BCL2: variants seen among roughly 807,000 people sequenced by gnomAD.
The protein encoded by BCL2 is BCL2 apoptosis regulator.
A neutral mutation model predicts 14.2 loss-of-function variants in BCL2; 1 was observed. The observed-to-expected ratio is 0.07, with a 90% CI of 0.02 to 0.33. BCL2 has a LOEUF of 0.33. BCL2 is among the 10% of genes least tolerant of loss of function. The pLI is 0.99. For synonymous variants in BCL2, 151 were observed against 137.2 expected (o/e 1.10, Z -0.70); for missense variants, 247 against 305.9 (o/e 0.81, Z 1.44).
intron 2 of BCL2, among the ~76,000 whole-genome samples, chr18:63,171,662 C>T (rs2144631616): frequency 6.6e-6 from 1 of 152,314 alleles, no homozygotes; most frequent in South Asian, 2.1e-4. Context: ...GGTAAATATG[C>T]TTCAAGCTGT....
chr18:63,216,400 T>TAAAAAAA (rs35457535), intron 2 of BCL2, among the ~76,000 whole-genome samples: 1 of 134,906 alleles, frequency 7.4e-6, no homozygotes, highest in Non-Finnish European at 1.6e-5. Flanking sequence ...AAATGTTTTC[T>TAAAAAAA]AAAAAAAAAA....
Position 63,125,433 on chromosome 18 carries a change from G to A in BCL2, c.*3192C>T, listed in dbSNP as rs1183982664. The stretch of plus-strand genomic sequence containing the variant: ...CGGAGTATTTGTGCAGCGAGGGACT[G>A]GGAGGGCCGAGGAGGTTCTCAGATG... On this transcript the variant is annotated 3_prime_UTR_variant, in exon 3 of 3. Coordinates refer to ENST00000333681, the MANE Select transcript of BCL2 (RefSeq NM_000633.3). 1 of 222,216 alleles carries A rather than the reference G, an allele frequency of 4.5e-6. No homozygotes were observed. The highest frequency in any genetic ancestry group is 9.0e-6 in the Non-Finnish European group (1 of 111,102). 13.8% of individuals were successfully genotyped at this position (222,216 alleles called of 1,614,324 possible). A position where few individuals can be genotyped will look rare whatever the true frequency, so the allele number is the denominator to read the frequency against.
At chr18:63,129,292 C>CT (rs71160900) in intron 2 of BCL2, among the ~76,000 whole-genome samples, 131,559 of 145,344 alleles carry the variant, frequency 0.91, 60,345 homozygotes, top group East Asian at 0.99. Context: ...CTTTTTCTTT[C>CT]TTTTTTTTTT....
At position 63,179,437 on chromosome 18, in the gene BCL2, C is replaced by A. The variant is rs1171612590; in HGVS notation, c.586-50678G>T. Among the ~76,000 whole-genome samples, 7 of 152,304 alleles carry A rather than the reference C, an allele frequency of 4.6e-5. No homozygotes were observed. The East Asian group carries it at 1.2e-3, about 25-fold the overall frequency. On this transcript the variant is annotated intron_variant, in intron 2 of 2. Coordinates refer to ENST00000333681, the MANE Select transcript of BCL2 (RefSeq NM_000633.3). ...TCTAGGGCCCCTGGGGCTCTCATCT[C>A]ATCCCAAATATTTGGAACTGTCTGT...
intron 2 of BCL2, 114 bp from the exon 3 acceptor site, chr18:63,128,873 G>A: frequency 1.7e-6 from 1 of 606,014 alleles, no homozygotes; most frequent in Non-Finnish European, 3.0e-6. Flanking sequence ...ACCTTCAGAA[G>A]GGTGAGAGGG....
At chr18:63,160,423 T>C (rs980271796) in intron 2 of BCL2, among the ~76,000 whole-genome samples, 2 of 152,122 alleles carry the variant, frequency 1.3e-5, no homozygotes, top group African/African-American at 4.8e-5. Context: ...GCATCAGAGT[T>C]TACATGTTTA....
Position 63,126,809 on chromosome 18 carries a change from T to C in BCL2, c.*1816A>G, listed in dbSNP as rs1913922036. On this transcript the variant is annotated 3_prime_UTR_variant, in exon 3 of 3. Transcript: ENST00000333681. ...AAAAACAAAAAAACGCTGAGATGCATGTATTTTTTTAAAGCAGCTTTCGAA... is the reference window on the plus strand; with the variant it reads ...AAAAACAAAAAAACGCTGAGATGCACGTATTTTTTTAAAGCAGCTTTCGAA... 1.8e-5 allele frequency: 4 copies of C among 228,174 alleles called. No individual in the cohort carries two copies. Among genetic ancestry groups the C allele is most frequent in the Admixed American group, 5.7e-5 (1 of 17,600 alleles). 14.1% of individuals were successfully genotyped at this position (228,174 alleles called of 1,614,324 possible). A position where few individuals can be genotyped will look rare whatever the true frequency, so the allele number is the denominator to read the frequency against.
intron 2 of BCL2, among the ~76,000 whole-genome samples, chr18:63,265,680 T>C (rs1375737038): frequency 1.3e-5 from 2 of 151,880 alleles, no homozygotes; most frequent in African/African-American, 4.8e-5. Context: ...AAAAACACCA[T>C]CAACAAATGA....
intron 2 of BCL2, among the ~76,000 whole-genome samples, chr18:63,288,059 A>T (rs1035464985): frequency 6.6e-6 from 1 of 152,226 alleles, no homozygotes; most frequent in African/African-American, 2.4e-5. Flanking sequence ...GGACATTTTG[A>T]TTTTGGAACA....
chr18:63,251,644 CAA>C (rs537877070), intron 2 of BCL2, among the ~76,000 whole-genome samples: 1 of 106,536 alleles, frequency 9.4e-6, no homozygotes. Flanking sequence ...GACTCTGTCT[CAA>C]AAAAAAAAAG....
At chr18:63,305,674 T>G (rs1913105981) in intron 2 of BCL2, among the ~76,000 whole-genome samples, 1 of 152,200 alleles carries the variant, frequency 6.6e-6, no homozygotes, top group African/African-American at 2.4e-5. Flanking sequence ...TCCTCAAATA[T>G]ACTTTTATTA....
At chr18:63,240,901 G>C (rs561147016) in intron 2 of BCL2, among the ~76,000 whole-genome samples, 72 of 152,322 alleles carry the variant, frequency 4.7e-4, no homozygotes, top group African/African-American at 1.6e-3. Flanking sequence ...TCATTAACAG[G>C]GTTGGTGTCC....
At chr18:63,172,424 T>C (rs1004130023) in intron 2 of BCL2, among the ~76,000 whole-genome samples, 11 of 152,186 alleles carry the variant, frequency 7.2e-5, no homozygotes, top group African/African-American at 2.7e-4. Flanking sequence ...ATATTATTAT[T>C]TTCCCACTTG....
chr18:63,179,753 T>C (rs897303670), intron 2 of BCL2, among the ~76,000 whole-genome samples: 58 of 152,288 alleles, frequency 3.8e-4, no homozygotes, highest in African/African-American at 1.3e-3. Flanking sequence ...AGCCCTCTCA[T>C]CCTCATTCCT....
Position 63,217,538 on chromosome 18 carries a change from T to C in BCL2, c.586-88779A>G, listed in dbSNP as rs573964543. On this transcript the variant is annotated intron_variant, in intron 2 of 2. Coordinates refer to ENST00000333681, the MANE Select transcript of BCL2 (RefSeq NM_000633.3). ...ACGTTCTCCTTCCAATGATCCCCAA[T>C]AGTTCACCCACATTTCCCAAAAGCA... Among the ~76,000 whole-genome samples the C allele has an allele frequency of 3.3e-5, 5 of 152,286 alleles. No homozygotes were observed. In the South Asian group the frequency reaches 1.0e-3, roughly 32 times the overall value.
intron 2 of BCL2, among the ~76,000 whole-genome samples, chr18:63,225,520 G>C (rs1910520382): frequency 6.6e-6 from 1 of 152,210 alleles, no homozygotes. Flanking sequence ...GGCTTCCACA[G>C]AAATTAAGGA....
chr18:63,194,654 C>A (rs1044031285), intron 2 of BCL2, among the ~76,000 whole-genome samples: 2 of 152,068 alleles, frequency 1.3e-5, no homozygotes, highest in Non-Finnish European at 2.9e-5. Flanking sequence ...TGCTTATGAA[C>A]TACAAAAAAA....
chr18:63,216,124 T>C (rs1910193842), intron 2 of BCL2, among the ~76,000 whole-genome samples: 1 of 152,098 alleles, frequency 6.6e-6, no homozygotes, highest in Non-Finnish European at 1.5e-5. Flanking sequence ...TTTTTGGTGG[T>C]GGGTTATGAG....
At chr18:63,203,959 C>T (rs1302314869) in intron 2 of BCL2, among the ~76,000 whole-genome samples, 2 of 152,016 alleles carry the variant, frequency 1.3e-5, no homozygotes, top group African/African-American at 4.8e-5. Flanking sequence ...TATGCATTTC[C>T]TATCTAAAGT....
Sources: gnomAD v4.1 joint callset for allele counts (sites outside exome capture counted in the v4.1 genomes callset) on GRCh38, gnomAD v4.1.1 for gene constraint, MANE v1.5 for transcripts, NCBI Gene and HGNC (gene_info 2026-07-23, HGNC 2026-07-21) for gene names.